PBRM1: variants seen among roughly 807,000 people sequenced by gnomAD.
PBRM1 encodes the protein protein polybromo-1.
PBRM1 carries 27 observed loss-of-function variants against 194.5 expected under a neutral mutation model. The observed-to-expected ratio is 0.14, with a 90% CI of 0.10 to 0.19. The LOEUF is 0.19. Ranked by LOEUF, PBRM1 falls within the 10% of genes least tolerant of loss-of-function variation. The pLI is 1.00. For missense variants in PBRM1, 1,466 were observed against 2,077.2 expected (o/e 0.71, Z 5.72); for synonymous variants, 655 against 693.2 (o/e 0.94, Z 0.87).
chr3:52,664,533 C>A (rs2096791897), intron 3 of PBRM1, among the ~76,000 whole-genome samples: 2 of 151,494 alleles, frequency 1.3e-5, no homozygotes, highest in Non-Finnish European at 2.9e-5. Context: ...GTCGGGAGTT[C>A]AAGTCCAGCC....
intron 2 of PBRM1, among the ~76,000 whole-genome samples, chr3:52,671,020 T>C (rs2096936042): frequency 6.6e-6 from 1 of 152,220 alleles, no homozygotes; most frequent in Non-Finnish European, 1.5e-5. Context: ...AAGGCAGTTG[T>C]GGTAGTGAGT....
intron 12 of PBRM1, 55 bp from the exon 14 acceptor site, chr3:52,627,425 T>C (rs2095481237): frequency 2.0e-6 from 2 of 994,440 alleles, no homozygotes; most frequent in African/African-American, 1.6e-5. Flanking sequence ...CTCCTCTGAA[T>C]ATATGAATGT....
exon 2 of PBRM1, chr3:52,678,568 G>C (rs972223800): frequency 6.2e-7 from 1 of 1,612,800 alleles, no homozygotes; most frequent in Admixed American, 1.7e-5. Context: ...AGTCTCGGAT[G>C]GTATTATAGA....
chr3:52,631,576 T>C (rs932012908), intron 11 of PBRM1, among the ~76,000 whole-genome samples: 8 of 152,178 alleles, frequency 5.3e-5, no homozygotes, highest in East Asian at 1.9e-4. Context: ...TTACCCAGGC[T>C]GGAGTGCAGC....
intron 20 of PBRM1, chr3:52,585,633 A>C (rs2092260298): frequency 6.6e-6 from 1 of 152,398 alleles, no homozygotes; most frequent in South Asian, 2.1e-4. Flanking sequence ...GGTTCAAGCG[A>C]TTCTCCTGCC....
At chr3:52,592,770 T>A (rs920685517) in intron 17 of PBRM1, among the ~76,000 whole-genome samples, 8 of 152,214 alleles carry the variant, frequency 5.3e-5, no homozygotes, top group African/African-American at 1.9e-4. Flanking sequence ...AATTTGGCTG[T>A]GAATTCACCT....
At chr3:52,680,065 T>TAA (rs2097176609), upstream of PBRM1, among the ~76,000 whole-genome samples, 1 of 152,202 alleles carries the variant, frequency 6.6e-6, no homozygotes, top group Non-Finnish European at 1.5e-5. Context: ...CTGAAGGTAT[T>TAA]AAGCCTTCAG....
At chr3:52,658,969 T>C (rs2096662985) in intron 4 of PBRM1, among the ~76,000 whole-genome samples, 1 of 152,232 alleles carries the variant, frequency 6.6e-6, no homozygotes, top group Non-Finnish European at 1.5e-5. Flanking sequence ...CATTTCTATA[T>C]CTGCTGTTCA....
At position 52,644,658 on chromosome 3, in the gene PBRM1, C is replaced by T. The variant is rs752817434; in HGVS notation, c.899+46G>A. On this transcript the variant is annotated intron_variant, in intron 8 of 29. Transcript: ENST00000296302. ...TCAGCCTCCCAAAGTGCTGAGATTA[C>T]AGGCATGAGCCACCACGCCCAGCCT... 9.1e-6 allele frequency: 8 copies of T among 878,462 alleles called. No homozygotes were observed. In the East Asian group the frequency reaches 1.9e-4, roughly 21 times the overall value. 54.4% of individuals were successfully genotyped at this position (878,462 alleles called of 1,614,324 possible).
intron 26 of PBRM1, among the ~76,000 whole-genome samples, chr3:52,556,605 A>G (rs1175773527): frequency 2.6e-5 from 4 of 152,222 alleles, no homozygotes; most frequent in Non-Finnish European, 5.9e-5. Flanking sequence ...TTTGGCATTT[A>G]TTATCCCAGT....
At chr3:52,625,528 T>G (rs2153563687) in intron 13 of PBRM1, among the ~76,000 whole-genome samples, 1 of 152,260 alleles carries the variant, frequency 6.6e-6, no homozygotes, top group Admixed American at 6.6e-5. Flanking sequence ...GTAAAGAGAC[T>G]TTTTGTCTGA....
At chr3:52,618,990 C>T (rs1385197311) in intron 13 of PBRM1, among the ~76,000 whole-genome samples, 1 of 152,180 alleles carries the variant, frequency 6.6e-6, no homozygotes, top group African/African-American at 2.4e-5. Context: ...CTCAGGTGAT[C>T]CGCCTGCCTC....
downstream of PBRM1, chr3:52,547,696 A>T (rs367997520): frequency 6.5e-4 from 154 of 236,076 alleles, 1 homozygote; most frequent in East Asian, 3.6e-3. Flanking sequence ...TATATATATA[A>T]AAAAACCCAA....
At chr3:52,679,409 T>C (rs1162564284) in intron 1 of PBRM1, among the ~76,000 whole-genome samples, 165 bp downstream of exon 2, 1 of 152,236 alleles carries the variant, frequency 6.6e-6, no homozygotes, top group African/African-American at 2.4e-5. Flanking sequence ...ACACTATTAC[T>C]CTAAGACTTA....
intron 5 of PBRM1, among the ~76,000 whole-genome samples, chr3:52,653,720 G>C (rs2096554604): frequency 6.6e-6 from 1 of 152,062 alleles, no homozygotes; most frequent in Non-Finnish European, 1.5e-5. Flanking sequence ...GACCAGCCTG[G>C]CCAATATGGT....
chr3:52,621,534 C>T (rs890682954), intron 13 of PBRM1, among the ~76,000 whole-genome samples: 1 of 152,194 alleles, frequency 6.6e-6, no homozygotes, highest in Non-Finnish European at 1.5e-5. Flanking sequence ...TTTTCCTCCT[C>T]CTTCAAACCA....
At chr3:52,679,524 G>C (rs2154064929) in intron 1 of PBRM1, 50 bp downstream of exon 2, 1 of 1,536,284 alleles carries the variant, frequency 6.5e-7, no homozygotes, top group Non-Finnish European at 8.9e-7. Context: ...AGGGAAGATA[G>C]GGGAATTGTG....
chr3:52,617,577 A>G, intron 13 of PBRM1, 39 bp from the exon 16 acceptor site: 1 of 1,497,554 alleles, frequency 6.7e-7, no homozygotes, highest in South Asian at 1.2e-5. Flanking sequence ...AAATTAGAAT[A>G]GGTTCAGTTT....
intron 8 of PBRM1, 118 bp from the exon 10 acceptor site, chr3:52,643,461 T>G (rs981098796): frequency 2.7e-5 from 19 of 701,052 alleles, no homozygotes; most frequent in Non-Finnish European, 4.8e-5. Context: ...AAAATACTTC[T>G]GAACTTCTAC....
Sources: gnomAD v4.1 joint callset for allele counts (sites outside exome capture counted in the v4.1 genomes callset) on GRCh38, gnomAD v4.1.1 for gene constraint, MANE v1.5 for transcripts, NCBI Gene and HGNC (gene_info 2026-07-23, HGNC 2026-07-21) for gene names.